PLPPR1: variants seen among roughly 807,000 people sequenced by gnomAD.
PLPPR1 encodes phospholipid phosphatase-related protein type 1.
A neutral mutation model predicts 33.1 loss-of-function variants in PLPPR1; 10 were observed. That is an observed-to-expected ratio of 0.30 (90% CI 0.19 to 0.51). The LOEUF (loss-of-function observed/expected upper bound fraction) is 0.51, where lower values mean the gene tolerates loss of function less well. Among genes scored for constraint, PLPPR1 ranks in the 20% least tolerant of loss-of-function variants. The pLI, the probability that PLPPR1 is intolerant of heterozygous loss-of-function variation, is 0.97. For missense variants in PLPPR1, 304 were observed against 408.1 expected, an observed-to-expected ratio of 0.74 and a Z score of 2.20; for synonymous variants, 151 against 151.0, an observed-to-expected ratio of 1.00 and a Z score of 0.00.
intron 1 of PLPPR1, among the ~76,000 whole-genome samples, chr9:101,037,194 G>T (rs1322822451): frequency 1.3e-5 from 2 of 151,944 alleles, no homozygotes. Flanking sequence ...TCAATAACAG[G>T]GAGAAGAACT....
intron 1 of PLPPR1, among the ~76,000 whole-genome samples, chr9:101,096,604 A>C (rs1413962563): frequency 6.6e-6 from 1 of 152,224 alleles, no homozygotes; most frequent in Non-Finnish European, 1.5e-5. Context: ...TAACATTTAA[A>C]TGAGCGTTGT....
At chr9:101,113,004 C>T (rs773311119) in intron 1 of PLPPR1, among the ~76,000 whole-genome samples, 6 of 152,130 alleles carry the variant, frequency 3.9e-5, no homozygotes, top group Non-Finnish European at 8.8e-5. Context: ...TTTTACTTCT[C>T]ATTTTGGGAA....
At chr9:101,171,602 T>C (rs1288537833) in intron 1 of PLPPR1, among the ~76,000 whole-genome samples, 1 of 152,076 alleles carries the variant, frequency 6.6e-6, no homozygotes, top group Non-Finnish European at 1.5e-5. Flanking sequence ...GCTTTGCAAC[T>C]CTCTAAAAGT....
chr9:101,138,019 A>C (rs1831399564), intron 1 of PLPPR1, among the ~76,000 whole-genome samples: 1 of 152,244 alleles, frequency 6.6e-6, no homozygotes, highest in South Asian at 2.1e-4. Context: ...GATAGCATCG[A>C]TGAGGCTGTG....
chr9:101,116,159 C>T (rs556228563), intron 1 of PLPPR1, among the ~76,000 whole-genome samples: 51 of 152,230 alleles, frequency 3.4e-4, no homozygotes, highest in African/African-American at 1.2e-3. Context: ...AAAAAACATG[C>T]GGTTAAGAGT....
intron 2 of PLPPR1, among the ~76,000 whole-genome samples, chr9:101,251,501 T>G (rs527957010): frequency 1.3e-5 from 2 of 152,212 alleles, no homozygotes; most frequent in South Asian, 4.2e-4. Context: ...TCGTATAGAT[T>G]ACCACCAGGG....
chr9:101,314,951 G>A (rs1829026167), intron 6 of PLPPR1, among the ~76,000 whole-genome samples: 1 of 151,476 alleles, frequency 6.6e-6, no homozygotes, highest in Non-Finnish European at 1.5e-5. Flanking sequence ...ACTTTCCTGA[G>A]GAACGCCTTT....
At chr9:101,073,483 TA>T (rs11443685) in intron 1 of PLPPR1, among the ~76,000 whole-genome samples, 2 of 149,474 alleles carry the variant, frequency 1.3e-5, no homozygotes, top group Non-Finnish European at 1.5e-5. Context: ...AATTTTATGC[TA>T]AAAAAAAAAG....
Position 101,309,462 on chromosome 9 carries a change from G to T in PLPPR1, c.636+1G>T. On this transcript the variant is annotated splice_donor_variant, in intron 5 of 7. Transcript: ENST00000374874. LOFTEE classifies it high-confidence loss of function. ...CATTTACTCCGCCTTATATGCCACG[G>T]TGAGTGTGCAAGTCTTGTCTCTCCT... The T allele has an allele frequency of 6.2e-7, 1 of 1,613,556 alleles. No homozygotes were observed.
chr9:101,217,423 G>T (rs1381169760), intron 2 of PLPPR1, among the ~76,000 whole-genome samples: 1 of 152,218 alleles, frequency 6.6e-6, no homozygotes, highest in East Asian at 1.9e-4. Context: ...GGCAGGGACA[G>T]TTTCATGGAC....
chr9:101,055,160 T>A (rs997487809), intron 1 of PLPPR1, among the ~76,000 whole-genome samples: 19 of 152,236 alleles, frequency 1.2e-4, no homozygotes, highest in African/African-American at 4.6e-4. Context: ...TAAGTTCTAT[T>A]TTCCTTGAAG....
chr9:101,114,239 A>G (rs1253532052), intron 1 of PLPPR1, among the ~76,000 whole-genome samples: 2 of 152,228 alleles, frequency 1.3e-5, no homozygotes, highest in Non-Finnish European at 2.9e-5. Flanking sequence ...CATCCTCACA[A>G]CACCCTTGTG....
chr9:101,155,082 C>G (rs899331208), intron 1 of PLPPR1, among the ~76,000 whole-genome samples: 1 of 150,106 alleles, frequency 6.7e-6, no homozygotes, highest in Non-Finnish European at 1.5e-5. Flanking sequence ...GCATGTTGTG[C>G]ACATGTACAC....
At chr9:101,184,003 T>G (rs1826162922) in intron 1 of PLPPR1, among the ~76,000 whole-genome samples, 1 of 151,750 alleles carries the variant, frequency 6.6e-6, no homozygotes. Context: ...TCATAAATAC[T>G]AAGTAAATTC....
chr9:101,123,794 G>A (rs957812489), intron 1 of PLPPR1, among the ~76,000 whole-genome samples: 16 of 152,080 alleles, frequency 1.1e-4, no homozygotes, highest in African/African-American at 3.4e-4. Flanking sequence ...CCAGAGCCAC[G>A]AGCCCTGGAT....
At chr9:101,309,031 C>T (rs1474824493) in intron 4 of PLPPR1, among the ~76,000 whole-genome samples, 180 bp from the exon 5 acceptor site, 2 of 152,142 alleles carry the variant, frequency 1.3e-5, no homozygotes, top group East Asian at 3.9e-4. Context: ...AGAATGTCTA[C>T]ATCAATTTGG....
intron 2 of PLPPR1, among the ~76,000 whole-genome samples, chr9:101,225,128 C>G (rs771278032): frequency 2.6e-5 from 4 of 152,100 alleles, no homozygotes; most frequent in Admixed American, 2.0e-4. Flanking sequence ...CTGAAAGTCA[C>G]AGTTTCCAAG....
At chr9:101,061,459 A>G (rs1418862943) in intron 1 of PLPPR1, among the ~76,000 whole-genome samples, 1 of 152,024 alleles carries the variant, frequency 6.6e-6, no homozygotes, top group African/African-American at 2.4e-5. Flanking sequence ...CTGACAGCTG[A>G]CTAAAAAGCA....
At chr9:101,091,002 C>T (rs1830734573) in intron 1 of PLPPR1, among the ~76,000 whole-genome samples, 1 of 151,318 alleles carries the variant, frequency 6.6e-6, no homozygotes, top group Non-Finnish European at 1.5e-5. Context: ...TCCACTGTTC[C>T]TCTGCTTGGT....
Sources: gnomAD v4.1 joint callset for allele counts (sites outside exome capture counted in the v4.1 genomes callset) on GRCh38, gnomAD v4.1.1 for gene constraint, MANE v1.5 for transcripts, NCBI Gene and HGNC (gene_info 2026-07-23, HGNC 2026-07-21) for gene names.